Variants in LCT observed in about 807,000 individuals in gnomAD.
LCT encodes the protein lactase/phlorizin hydrolase.
In LCT, 90 loss-of-function variants were observed where a neutral mutation model predicts 173.0. The observed-to-expected ratio is 0.52, with a 90% CI of 0.44 to 0.62. LCT has a LOEUF of 0.62. Among genes scored for constraint, LCT ranks in the 20% least tolerant of loss-of-function variants. The pLI, the probability that LCT is intolerant of heterozygous loss-of-function variation, is 0.00. For synonymous variants in LCT, 853 were observed against 957.6 expected, an observed-to-expected ratio of 0.89 and a Z score of 2.02; for missense variants, 1,864 against 2,431.4, an observed-to-expected ratio of 0.77 and a Z score of 4.91.
chr2:135,833,253 C>G (rs531163616), intron 1 of LCT, 63 bp from the exon 2 acceptor site: 21 of 1,121,764 alleles, frequency 1.9e-5, no homozygotes, highest in Non-Finnish European at 2.6e-5. Context: ...ACTGTGGAAA[C>G]CACTGGGGGA....
intron 4 of LCT, among the ~76,000 whole-genome samples, chr2:135,823,413 C>T (rs560249505): frequency 1.3e-5 from 2 of 152,302 alleles, no homozygotes; most frequent in East Asian, 1.9e-4. Context: ...AGGAAGATGG[C>T]CCTTGAGCTG....
chr2:135,821,831 G>A (rs957014358), intron 5 of LCT, 189 bp downstream of exon 5: 10 of 587,162 alleles, frequency 1.7e-5, no homozygotes, highest in East Asian at 2.9e-5. Context: ...GCAGAACCTC[G>A]TGAGTCCCAC....
intron 3 of LCT, among the ~76,000 whole-genome samples, chr2:135,826,402 C>CA (rs373224567): frequency 0.22 from 22,713 of 103,548 alleles, 2,646 homozygotes; most frequent in South Asian, 0.34. Context: ...GCTACAAATA[C>CA]AAAAAAAAAA....
chr2:135,820,285 T>A (rs1251854258), intron 5 of LCT: 1 of 152,214 alleles, frequency 6.6e-6, no homozygotes, highest in Non-Finnish European at 1.5e-5. Context: ...GCTGAGAGAA[T>A]CTCCGAGCTG....
Position 135,790,527 on chromosome 2 carries a change from C to A in LCT, c.5335+131G>T, listed in dbSNP as rs187125239. On this transcript the variant is annotated intron_variant, in intron 15 of 16. Transcript: ENST00000264162. The surrounding 1 kb of genome is among the most constrained non-coding windows in gnomAD (Gnocchi z 4.1). ...AGTGCGGCCCTAAAGCAAAGCTTAA[C>A]CCCCACAGGAGCAAGAAGGCTTATC... 538 of 662,974 alleles carry A rather than the reference C, an allele frequency of 8.1e-4. 2 individuals are homozygous for A. Among genetic ancestry groups the A allele is most frequent in the Middle Eastern group, 1.3e-3 (3 of 2,398 alleles). The allele number at this position is 662,974 out of a possible 1,614,324, so 41.1% of individuals were successfully genotyped here.
intron 5 of LCT, among the ~76,000 whole-genome samples, chr2:135,820,917 A>G (rs2077822879): frequency 6.6e-6 from 1 of 150,462 alleles, no homozygotes; most frequent in Non-Finnish European, 1.5e-5. Context: ...GTCTCGCTCC[A>G]TCACCCAGGC....
Position 135,790,572 on chromosome 2 carries a change from C to T in LCT, c.5335+86G>A. 1.2e-6 allele frequency: 1 copy of T among 868,344 alleles called. No individual in the cohort carries two copies. Among genetic ancestry groups the T allele is most frequent in the Non-Finnish European group, 1.9e-6 (1 of 520,704 alleles). The allele number at this position is 868,344 out of a possible 1,614,324, so 53.8% of individuals were successfully genotyped here. On this transcript the variant is annotated intron_variant, in intron 15 of 16. Transcript: ENST00000264162. This position sits in a 1 kb window ranked among gnomAD's most constrained non-coding sequence, Gnocchi z 4.1. ...CTTATCGTTCTCTTCTTACTGTGGC[C>T]CAAGGACGCTGTATCACACTCCTGC...
Position 135,836,746 on chromosome 2 carries a change from G to C in LCT, c.424C>G (p.Arg142Gly), listed in dbSNP as rs760712703. The C allele has an allele frequency of 1.9e-6, 3 of 1,614,154 alleles. No individual in the cohort carries two copies. The highest frequency in any genetic ancestry group is 2.5e-6 in the Non-Finnish European group (3 of 1,180,026). ...AGGTCAGCAAAGGCTTCGGTTCTCC[G>C]GAGGGTGCTGGCAGGGAGGGTCTGG... ...HHQTLPASTL[R>G]RTEAFADLFA... Residue 142 changes from arginine (R) to glycine (G), a missense_variant, in exon 1 of 17, where the codon CGG becomes GGG. Around this residue, in one of 4 missense-constraint regions of LCT, gnomAD observed 412 missense variants for 462.0 expected, o/e 0.89. Coordinates refer to ENST00000264162, the MANE Select transcript of LCT (RefSeq NM_002299.4).
intron 6 of LCT, among the ~76,000 whole-genome samples, chr2:135,816,859 A>C (rs2077784502): frequency 7.0e-6 from 1 of 142,830 alleles, no homozygotes. Context: ...GGACAAAATA[A>C]GGTGATTAAC....
chr2:135,827,749 TGCTC>T (rs2077899433), intron 3 of LCT, among the ~76,000 whole-genome samples: 1 of 152,172 alleles, frequency 6.6e-6, no homozygotes, highest in Non-Finnish European at 1.5e-5. Context: ...TGGTAATGCT[TGCTC>T]GCCTGCCACT....
At position 135,802,578 on chromosome 2, in the gene LCT, G is replaced by A. The variant is rs76494120; in HGVS notation, c.4663+1352C>T. On this transcript the variant is annotated intron_variant, in intron 11 of 16. Transcript: ENST00000264162. ...ATTCGTGACAACATCGCTGGAACTGGAGGTCATTATGTAAAGTGAAATAAG... is the reference window on the plus strand; with the variant it reads ...ATTCGTGACAACATCGCTGGAACTGAAGGTCATTATGTAAAGTGAAATAAG... 0.01 allele frequency among the ~76,000 whole-genome samples: 1,578 copies of A among 152,314 alleles called. 98 individuals carry two copies. In the East Asian group the frequency reaches 0.18, roughly 18 times the overall value.
At chr2:135,805,832 G>A (rs900429965) in intron 9 of LCT, among the ~76,000 whole-genome samples, 3 of 152,148 alleles carry the variant, frequency 2.0e-5, no homozygotes, top group Admixed American at 6.5e-5. Flanking sequence ...ATTCATGCTT[G>A]TGGCAGTGCT....
At chr2:135,799,359 C>T (rs909796191) in intron 12 of LCT, among the ~76,000 whole-genome samples, 15 of 152,156 alleles carry the variant, frequency 9.9e-5, no homozygotes, top group Non-Finnish European at 1.8e-4. Context: ...CACCTTCTAT[C>T]CCTTTCTAGG....
chr2:135,794,496 G>A, intron 14 of LCT, 145 bp downstream of exon 14: 1 of 832,222 alleles, frequency 1.2e-6, no homozygotes, highest in Non-Finnish European at 2.0e-6. Flanking sequence ...CTTGGGATCT[G>A]TGGGGTGGCG....
At chr2:135,821,571 C>T (rs1010575282) in intron 5 of LCT, 6 of 194,228 alleles carry the variant, frequency 3.1e-5, no homozygotes, top group Admixed American at 1.6e-4. Context: ...CCTTCTGCCT[C>T]CTGGGCTCAA....
At chr2:135,798,006 C>T (rs1198725449) in intron 13 of LCT, 23 bp downstream of exon 13, 2 of 1,357,274 alleles carry the variant, frequency 1.5e-6, no homozygotes, top group African/African-American at 1.4e-5. Context: ...ATGCCCTCAC[C>T]ACTGCGGGCA....
chr2:135,811,120 C>T (rs1162514980), intron 7 of LCT, among the ~76,000 whole-genome samples: 1 of 151,830 alleles, frequency 6.6e-6, no homozygotes, highest in Admixed American at 6.6e-5. Context: ...GTGGGAGAAT[C>T]GCTTGAGCCC....
intron 13 of LCT, among the ~76,000 whole-genome samples, chr2:135,795,006 C>G (rs548782964): frequency 6.7e-6 from 1 of 150,374 alleles, no homozygotes; most frequent in East Asian, 2.0e-4. Flanking sequence ...GCCTCTGAAA[C>G]CTGAAGGACC....
Position 135,812,291 on chromosome 2 carries a change from G to T in LCT, c.2353+20C>A, listed in dbSNP as rs752399575. 3 of 1,601,502 alleles carry T rather than the reference G, an allele frequency of 1.9e-6. No homozygotes were observed. The Admixed American group carries it at 5.0e-5, about 27-fold the overall frequency. On this transcript the variant is annotated intron_variant, in intron 7 of 16. Coordinates refer to ENST00000264162, the MANE Select transcript of LCT (RefSeq NM_002299.4). ...AAGTACCACCCACCTTCCAATCACT[G>T]GCACATCCATTGTTCTTACCCTTGA...
Sources: gnomAD v4.1 joint callset for allele counts (sites outside exome capture counted in the v4.1 genomes callset) on GRCh38, gnomAD v4.1.1 for gene constraint, gnomAD v4.1.1 regional missense constraint, Gnocchi (gnomAD v3.1) non-coding constraint, MANE v1.5 for transcripts, NCBI Gene and HGNC (gene_info 2026-07-23, HGNC 2026-07-21) for gene names.